Variants in LPAR1 observed in about 807,000 individuals in gnomAD.
The protein encoded by LPAR1 is LPA receptor 1.
LPAR1 carries 5 observed loss-of-function variants against 23.8 expected under a neutral mutation model. The ratio of observed to expected loss-of-function variants is 0.21; its 90% CI spans 0.11 to 0.44. The LOEUF (loss-of-function observed/expected upper bound fraction) is 0.44, where lower values mean the gene tolerates loss of function less well. LPAR1 is among the 20% of genes least tolerant of loss of function. The pLI is 0.99. For synonymous variants in LPAR1, 160 were observed against 164.7 expected (o/e 0.97, Z 0.22); for missense variants, 311 against 482.8 (o/e 0.64, Z 3.33).
chr9:110,875,876 G>C (rs575049602), intron 5 of LPAR1, among the ~76,000 whole-genome samples, 154 bp from the exon 6 acceptor site: 5 of 152,244 alleles, frequency 3.3e-5, no homozygotes, highest in Admixed American at 1.3e-4. Flanking sequence ...CTCATTTCCT[G>C]AGAAAATCAG....
chr9:110,891,187 T>C (rs894787329), intron 5 of LPAR1, among the ~76,000 whole-genome samples: 1 of 152,176 alleles, frequency 6.6e-6, no homozygotes, highest in Middle Eastern at 3.4e-3. Flanking sequence ...TAGAAAAAAA[T>C]TTGTAACTCA....
At chr9:110,895,561 C>G (rs1368032901) in intron 5 of LPAR1, among the ~76,000 whole-genome samples, 1 of 152,112 alleles carries the variant, frequency 6.6e-6, no homozygotes, top group Non-Finnish European at 1.5e-5. Flanking sequence ...AATAGATAAG[C>G]CAGGGAGGGA....
At chr9:110,964,853 C>CTTTTTTTT (rs35426082) in intron 4 of LPAR1, among the ~76,000 whole-genome samples, 1 of 67,072 alleles carries the variant, frequency 1.5e-5, no homozygotes, top group Non-Finnish European at 2.7e-5. Context: ...ACACCAATCA[C>CTTTTTTTT]TTTTTTTTTT....
At chr9:110,901,805 A>T (rs2089172539) in intron 5 of LPAR1, among the ~76,000 whole-genome samples, 1 of 152,164 alleles carries the variant, frequency 6.6e-6, no homozygotes. Context: ...ACAGGGAACT[A>T]TGAAAGGTAG....
At chr9:110,884,361 C>G (rs12006050) in intron 5 of LPAR1, among the ~76,000 whole-genome samples, 3,376 of 152,224 alleles carry the variant, frequency 0.022, 108 homozygotes, top group African/African-American at 0.071. Context: ...GTAATATGCT[C>G]TCAGCACTAT....
intron 2 of LPAR1, among the ~76,000 whole-genome samples, chr9:111,030,969 A>G (rs1204762828): frequency 6.6e-6 from 1 of 152,188 alleles, no homozygotes; most frequent in Non-Finnish European, 1.5e-5. Flanking sequence ...CCACACACAC[A>G]TAAATATACA....
chr9:110,878,296 A>C (rs900708943), intron 5 of LPAR1, among the ~76,000 whole-genome samples: 1 of 152,008 alleles, frequency 6.6e-6, no homozygotes, highest in African/African-American at 2.4e-5. Flanking sequence ...TTTCTATTTC[A>C]CAGAGGCCTC....
intron 4 of LPAR1, among the ~76,000 whole-genome samples, chr9:110,970,111 G>C (rs1335860110): frequency 6.6e-6 from 1 of 152,122 alleles, no homozygotes; most frequent in Non-Finnish European, 1.5e-5. Context: ...GTCATTTAGA[G>C]GTATTTCTAT....
At chr9:110,973,110 T>G (rs1386766167) in intron 3 of LPAR1, among the ~76,000 whole-genome samples, 1 of 152,176 alleles carries the variant, frequency 6.6e-6, no homozygotes, top group African/African-American at 2.4e-5. Context: ...ACCCACACTA[T>G]TCAGAACGGT....
rs61456167 is a variant in LPAR1, at chr9:110,903,882, C to CAAA, written c.794-28163_794-28161dup. Among the ~76,000 whole-genome samples, 445 of 77,102 alleles carry CAAA rather than the reference C, an allele frequency of 5.8e-3. 27 individuals are homozygous for CAAA. The highest frequency in any genetic ancestry group is 0.036 in the East Asian group (96 of 2,676). The allele number at this position is 77,102 out of a possible 152,430, so 50.6% of individuals were successfully genotyped here. ...AATTAAAATTTTGATAAGTGAATTG[C>CAAA]AAAAAAAAAAAAAAAAAAAAAAGTC... On this transcript the variant is annotated intron_variant, in intron 5 of 5. Transcript: ENST00000683809.
At chr9:110,878,590 A>G (rs1451819159) in intron 5 of LPAR1, among the ~76,000 whole-genome samples, 1 of 152,144 alleles carries the variant, frequency 6.6e-6, no homozygotes, top group Non-Finnish European at 1.5e-5. Flanking sequence ...CGTACACCTG[A>G]AAGGTTGATA....
intron 5 of LPAR1, among the ~76,000 whole-genome samples, chr9:110,886,217 A>G (rs2082337320): frequency 7.4e-6 from 1 of 134,722 alleles, no homozygotes; most frequent in Non-Finnish European, 1.6e-5. Context: ...AAAAAAATTT[A>G]GCTGGGCGTG....
Position 111,031,412 on chromosome 9 carries a change from AAAAAAAGAAAAG to A in LPAR1, c.-182+4698_-182+4709del, listed in dbSNP as rs1479458058. Among the ~76,000 whole-genome samples, 353 of 151,118 alleles carry A rather than the reference AAAAAAAGAAAAG, an allele frequency of 2.3e-3. 4 individuals carry two copies. The highest frequency in any genetic ancestry group is 8.1e-3 in the African/African-American group (333 of 41,172). On this transcript the variant is annotated intron_variant, in intron 2 of 5. Coordinates refer to ENST00000683809, the MANE Select transcript of LPAR1 (RefSeq NM_001351411.2). ...TTTCTTTAAAAAAAAAAAAAGAAAA[AAAAAAAGAAAAG>A]AAAAAGAAAGAAGAAGAAAGAAAGA...
At chr9:111,006,332 C>G (rs1331959836) in intron 2 of LPAR1, among the ~76,000 whole-genome samples, 1 of 152,174 alleles carries the variant, frequency 6.6e-6, no homozygotes, top group Non-Finnish European at 1.5e-5. Flanking sequence ...ACATTCCATT[C>G]CCAATGGCCA....
intron 5 of LPAR1, among the ~76,000 whole-genome samples, chr9:110,912,651 T>C (rs2092604580): frequency 6.6e-6 from 1 of 152,176 alleles, no homozygotes; most frequent in Non-Finnish European, 1.5e-5. Flanking sequence ...GCTGGCATGG[T>C]CTAAATTTGA....
intron 2 of LPAR1, among the ~76,000 whole-genome samples, chr9:110,994,115 A>G (rs2096949339): frequency 6.6e-6 from 1 of 152,226 alleles, no homozygotes; most frequent in Non-Finnish European, 1.5e-5. Context: ...AATGGAGCAA[A>G]TCAACAGTGT....
chr9:110,888,343 G>A (rs1320390026), intron 5 of LPAR1, among the ~76,000 whole-genome samples: 1 of 152,096 alleles, frequency 6.6e-6, no homozygotes, highest in African/African-American at 2.4e-5. Context: ...TTCTTGCAAA[G>A]CCATTTCAGT....
At chr9:111,029,463 G>T (rs776170461) in intron 2 of LPAR1, among the ~76,000 whole-genome samples, 1 of 151,796 alleles carries the variant, frequency 6.6e-6, no homozygotes, top group Non-Finnish European at 1.5e-5. Flanking sequence ...GCCACAAACC[G>T]TCAATTTCAG....
chr9:111,014,424 G>A (rs1008644293), intron 2 of LPAR1, among the ~76,000 whole-genome samples: 1 of 152,030 alleles, frequency 6.6e-6, no homozygotes, highest in African/African-American at 2.4e-5. Flanking sequence ...CATCAGGCAA[G>A]AAGCCCCCCA....
Sources: gnomAD v4.1 joint callset for allele counts (sites outside exome capture counted in the v4.1 genomes callset) on GRCh38, gnomAD v4.1.1 for gene constraint, MANE v1.5 for transcripts, NCBI Gene and HGNC (gene_info 2026-07-23, HGNC 2026-07-21) for gene names.